NALCN: variants seen among roughly 807,000 people sequenced by gnomAD.
NALCN encodes the protein sodium leak channel, non-selective.
NALCN carries 111 observed loss-of-function variants against 225.3 expected under a neutral mutation model. The ratio of observed to expected loss-of-function variants is 0.49; its 90% CI spans 0.42 to 0.58. The LOEUF (loss-of-function observed/expected upper bound fraction) is 0.58. NALCN is among the 20% of genes least tolerant of loss of function. The pLI is 0.00. For missense variants in NALCN, 1,378 were observed against 2,202.4 expected (o/e 0.63, Z 7.49); for synonymous variants, 764 against 769.0 (o/e 0.99, Z 0.11).
chr13:101,324,097 C>T (rs1026703601), intron 7 of NALCN, among the ~76,000 whole-genome samples: 2 of 152,054 alleles, frequency 1.3e-5, no homozygotes, highest in African/African-American at 2.4e-5. Context: ...AAGTATGCAA[C>T]CAGAGGGTAA....
intron 7 of NALCN, among the ~76,000 whole-genome samples, chr13:101,315,070 C>A (rs906371046): frequency 6.6e-6 from 1 of 151,976 alleles, no homozygotes; most frequent in Non-Finnish European, 1.5e-5. Context: ...AATAAATAAT[C>A]ATTATTTGTT....
intron 14 of NALCN, chr13:101,181,439 G>A: frequency 6.8e-6 from 3 of 440,398 alleles, no homozygotes; most frequent in South Asian, 5.1e-5. Flanking sequence ...TTTAATGCAT[G>A]TAATGCAGCA....
intron 1 of NALCN, among the ~76,000 whole-genome samples, chr13:101,408,522 C>T (rs1268605952): frequency 6.6e-6 from 1 of 152,180 alleles, no homozygotes; most frequent in South Asian, 2.1e-4. Context: ...GGCATCACAG[C>T]GGCAATGCGT....
At chr13:101,295,560 C>A (rs2043717151) in intron 7 of NALCN, among the ~76,000 whole-genome samples, 1 of 152,086 alleles carries the variant, frequency 6.6e-6, no homozygotes. Context: ...GAACTAGTAG[C>A]CTTGAAACTT....
chr13:101,252,290 T>C (rs911645231), intron 11 of NALCN, among the ~76,000 whole-genome samples: 1 of 152,166 alleles, frequency 6.6e-6, no homozygotes, highest in Non-Finnish European at 1.5e-5. Context: ...GACTTTATAA[T>C]TGAAATGAGA....
At chr13:101,185,534 A>T (rs1025492309) in intron 14 of NALCN, among the ~76,000 whole-genome samples, 3 of 152,242 alleles carry the variant, frequency 2.0e-5, no homozygotes, top group Admixed American at 6.5e-5. Context: ...AAAGATGGGG[A>T]AAAAGATGAA....
At chr13:101,143,284 T>G in intron 16 of NALCN, 63 bp from the exon 17 acceptor site, 1 of 1,497,618 alleles carries the variant, frequency 6.7e-7, no homozygotes, top group Non-Finnish European at 8.9e-7. Flanking sequence ...TGACAGCATT[T>G]TGCAATGATG....
chr13:101,116,144 A>G (rs951720148), intron 18 of NALCN, among the ~76,000 whole-genome samples: 1 of 152,112 alleles, frequency 6.6e-6, no homozygotes, highest in Non-Finnish European at 1.5e-5. Context: ...CCTGAGGATG[A>G]TTCAAATGTG....
Position 101,103,235 on chromosome 13 carries a change from T to A in NALCN, c.2994A>T (p.Lys998Asn). 1 of 1,613,906 alleles carries A rather than the reference T, an allele frequency of 6.2e-7. No individual in the cohort carries two copies. The highest frequency in any genetic ancestry group is 8.5e-7 in the Non-Finnish European group (1 of 1,179,890). Residue 998 changes from lysine (K) to asparagine (N), a missense_variant, in exon 26 of 44, where the codon AAA becomes AAT. Around this residue, in one of 19 missense-constraint regions of NALCN, gnomAD observed 292 missense variants for 409.5 expected, o/e 0.71. Coordinates refer to ENST00000251127, the MANE Select transcript of NALCN (RefSeq NM_052867.4). Reference sequence around the variant, plus strand: ...CAACTTTCCTCATCTGGGGCACCAGTTTGAATATGCGCAGAGGTCTCAGGC... The same window carrying A: ...CAACTTTCCTCATCTGGGGCACCAGATTGAATATGCGCAGAGGTCTCAGGC... ...LRCLRPLRIF[K>N]LVPQMRKVVR...
At chr13:101,160,220 G>C (rs192895077) in intron 15 of NALCN, among the ~76,000 whole-genome samples, 373 of 152,246 alleles carry the variant, frequency 2.4e-3, no homozygotes, top group Non-Finnish European at 5.7e-4. Context: ...TCCCAAAGGA[G>C]AGAGAAGTTT....
intron 10 of NALCN, among the ~76,000 whole-genome samples, chr13:101,273,615 A>G (rs955731847): frequency 2.0e-5 from 3 of 152,198 alleles, no homozygotes; most frequent in Non-Finnish European, 4.4e-5. Flanking sequence ...ATTCCTGAAC[A>G]TCACTTAGAA....
chr13:101,128,176 T>G (rs187897026), intron 17 of NALCN, among the ~76,000 whole-genome samples: 2 of 152,364 alleles, frequency 1.3e-5, no homozygotes, highest in African/African-American at 2.4e-5. Flanking sequence ...AGTCAAAGAT[T>G]CGTTGAAGAA....
intron 15 of NALCN, among the ~76,000 whole-genome samples, chr13:101,157,351 C>G (rs2037954838): frequency 6.6e-6 from 1 of 152,112 alleles, no homozygotes; most frequent in Admixed American, 6.5e-5. Context: ...TCCAATAAAA[C>G]AAATCAGCAC....
Position 101,229,588 on chromosome 13 carries a change from T to A in NALCN, c.1435-4A>T. On this transcript the variant is annotated splice_region_variant and splice_polypyrimidine_tract_variant and intron_variant, in intron 12 of 43. Transcript: ENST00000251127. ...TCAGCCGAACTACTCGGAGAACCTA[T>A]CAAGGGAGAGAGAAACATTTATTTA... is the stretch of plus-strand genomic sequence containing the variant. 1.3e-6 allele frequency: 2 copies of A among 1,554,004 alleles called. No homozygotes were observed. The highest frequency in any genetic ancestry group is 2.8e-5 in the African/African-American group (2 of 72,568).
rs1286375515 is a variant in NALCN, at chr13:101,391,798, C to T, written c.291+3385G>A. Reference sequence around the variant, plus strand: ...AGGAGATTGAGACCATCCTGGCCAACACAGTGAAACCGCATCTCTACTAAA... The same window carrying T: ...AGGAGATTGAGACCATCCTGGCCAATACAGTGAAACCGCATCTCTACTAAA... On this transcript the variant is annotated intron_variant, in intron 3 of 43. Coordinates refer to ENST00000251127, the MANE Select transcript of NALCN (RefSeq NM_052867.4). Among the ~76,000 whole-genome samples the T allele has an allele frequency of 2.1e-5, 3 of 146,020 alleles. No homozygotes were observed. The East Asian group carries it at 5.9e-4, about 29-fold the overall frequency.
intron 6 of NALCN, among the ~76,000 whole-genome samples, 167 bp from the exon 7 acceptor site, chr13:101,345,587 C>T (rs1487332711): frequency 6.6e-6 from 1 of 151,378 alleles, no homozygotes; most frequent in Non-Finnish European, 1.5e-5. Flanking sequence ...ATCCCTTGAG[C>T]CCAGGGGTTC....
Position 101,119,582 on chromosome 13 carries a change from C to T in NALCN, c.2192+5026G>A, listed in dbSNP as rs371810916. Among the ~76,000 whole-genome samples the T allele has an allele frequency of 5.3e-5, 8 of 152,274 alleles. No homozygotes were observed. The East Asian group carries it at 7.7e-4, about 15-fold the overall frequency. On this transcript the variant is annotated intron_variant, in intron 18 of 43. Transcript: ENST00000251127. ...CTCTATTCATTCAGCCTTGCAGGAACGATAATGCATTTTTTGCTCGATTTC... is the reference window on the plus strand; with the variant it reads ...CTCTATTCATTCAGCCTTGCAGGAATGATAATGCATTTTTTGCTCGATTTC...
intron 10 of NALCN, among the ~76,000 whole-genome samples, chr13:101,278,522 CAAAAAAAAAA>C (rs3061766): frequency 0.018 from 1,581 of 87,456 alleles, 34 homozygotes; most frequent in South Asian, 0.039. Context: ...GACTCTGTCT[CAAAAAAAAAA>C]AAAAAAAAAA....
chr13:101,229,021 A>G (rs9518344), intron 13 of NALCN, among the ~76,000 whole-genome samples: 41,084 of 152,108 alleles, frequency 0.27, 6,581 homozygotes, highest in Non-Finnish European at 0.37. Context: ...GACTAACATA[A>G]CAATATATAA....
Sources: allele counts gnomAD v4.1 joint callset (sites outside exome capture counted in the v4.1 genomes callset), GRCh38; gene constraint gnomAD v4.1.1; regional missense constraint gnomAD v4.1.1; transcripts MANE v1.5; gene names NCBI Gene and HGNC (gene_info 2026-07-23, HGNC 2026-07-21).